The following TFDP2 variants were observed in gnomAD, a reference collection of about 807,000 sequenced individuals.
TFDP2 encodes transcription factor Dp-2 (E2F dimerization partner 2).
TFDP2 carries 17 observed loss-of-function variants against 59.3 expected under a neutral mutation model. The observed-to-expected ratio is 0.29, with a 90% CI of 0.20 to 0.43. The LOEUF (loss-of-function observed/expected upper bound fraction) is 0.43, where lower values mean the gene tolerates loss of function less well. Ranked by LOEUF, TFDP2 falls within the 20% of genes least tolerant of loss-of-function variation. The pLI is 1.00. For synonymous variants in TFDP2, 180 were observed against 194.7 expected (o/e 0.92, Z 0.63); for missense variants, 391 against 528.8 (o/e 0.74, Z 2.56).
At position 142,101,719 on chromosome 3, in the gene TFDP2, A is replaced by T; in HGVS notation, c.15+16T>A. The T allele has an allele frequency of 7.4e-7, 1 of 1,353,284 alleles. No individual in the cohort carries two copies. The highest frequency in any genetic ancestry group is 2.5e-5 in the East Asian group (1 of 39,608). The allele number at this position is 1,353,284 out of a possible 1,614,324, so 83.8% of individuals were successfully genotyped here. On this transcript the variant is annotated intron_variant, in intron 2 of 12. Coordinates refer to ENST00000489671, the MANE Select transcript of TFDP2 (RefSeq NM_001178139.2). ...CTTTAAACAATACTTACATTAAAAA[A>T]TTTACAAATACTTACATTTTTTGCC...
intron 1 of TFDP2, among the ~76,000 whole-genome samples, chr3:142,102,631 C>T (rs898322858): frequency 6.6e-6 from 1 of 152,248 alleles, no homozygotes; most frequent in Admixed American, 6.5e-5. Context: ...TATCTCCCTA[C>T]AAAATACCTA....
At chr3:142,006,637 T>C (rs111610089) in intron 3 of TFDP2, among the ~76,000 whole-genome samples, 1 of 152,044 alleles carries the variant, frequency 6.6e-6, no homozygotes, top group African/African-American at 2.4e-5. Context: ...CCTGGCTAAC[T>C]TTTTTATTTT....
At chr3:142,093,314 A>G (rs1053290762) in intron 2 of TFDP2, among the ~76,000 whole-genome samples, 187 bp from the exon 3 acceptor site, 2 of 151,984 alleles carry the variant, frequency 1.3e-5, no homozygotes, top group African/African-American at 4.8e-5. Flanking sequence ...TAAAAGGGGA[A>G]GAATATTGCC....
intron 3 of TFDP2, among the ~76,000 whole-genome samples, chr3:142,074,648 T>C (rs2060379178): frequency 6.6e-6 from 1 of 151,796 alleles, no homozygotes. Flanking sequence ...GGCCAGGAGA[T>C]TGAGACCAGC....
chr3:142,059,167 T>C (rs1259129808), intron 3 of TFDP2, among the ~76,000 whole-genome samples: 1 of 152,242 alleles, frequency 6.6e-6, no homozygotes, highest in Admixed American at 6.5e-5. Context: ...GTCATAGATA[T>C]GCTTTGATCA....
intron 10 of TFDP2, 117 bp from the exon 11 acceptor site, chr3:141,959,957 T>C: frequency 1.0e-6 from 1 of 953,766 alleles, no homozygotes. Flanking sequence ...GTGCTAGAAA[T>C]TGCTACCATT....
chr3:142,102,534 T>A (rs2061345351), intron 1 of TFDP2, among the ~76,000 whole-genome samples: 1 of 152,160 alleles, frequency 6.6e-6, no homozygotes, highest in Admixed American at 6.6e-5. Flanking sequence ...GGAACCATCA[T>A]AACTAATAAG....
chr3:142,026,285 G>T (rs761119114), intron 3 of TFDP2, among the ~76,000 whole-genome samples: 2 of 151,932 alleles, frequency 1.3e-5, no homozygotes, highest in Non-Finnish European at 2.9e-5. Flanking sequence ...AACCTGGGAC[G>T]CAGAGCTTGC....
intron 8 of TFDP2, among the ~76,000 whole-genome samples, chr3:141,971,049 C>T (rs1026910300): frequency 1.3e-5 from 2 of 150,840 alleles, no homozygotes; most frequent in South Asian, 2.1e-4. Flanking sequence ...CAAAGCAAGA[C>T]CCTGTCTCAA....
chr3:142,000,984 T>C (rs1223132245), intron 4 of TFDP2, among the ~76,000 whole-genome samples: 1 of 152,166 alleles, frequency 6.6e-6, no homozygotes, highest in Non-Finnish European at 1.5e-5. Flanking sequence ...GGGTTAGAGT[T>C]TGAGTCTTCT....
At chr3:142,007,810 T>C (rs1311254681) in intron 3 of TFDP2, among the ~76,000 whole-genome samples, 2 of 152,116 alleles carry the variant, frequency 1.3e-5, no homozygotes, top group African/African-American at 4.8e-5. Flanking sequence ...CCTATGATAA[T>C]CTAATGCCGC....
At chr3:141,992,091 A>G (rs888349981) in intron 6 of TFDP2, among the ~76,000 whole-genome samples, 3 of 149,870 alleles carry the variant, frequency 2.0e-5, no homozygotes, top group African/African-American at 7.3e-5. Flanking sequence ...GGAAGGAAGG[A>G]AGGAAAGAAA....
Position 141,980,267 on chromosome 3 carries a change from A to G in TFDP2, c.357-1585T>C, listed in dbSNP as rs368639659. 6.8e-4 allele frequency among the ~76,000 whole-genome samples: 103 copies of G among 151,968 alleles called. 1 individual carries two copies. In the South Asian group the frequency reaches 0.021, roughly 31 times the overall value. On this transcript the variant is annotated intron_variant, in intron 6 of 12. Coordinates refer to ENST00000489671, the MANE Select transcript of TFDP2 (RefSeq NM_001178139.2). ...AAAAAAAAAAAAAAATTAGAAATTA[A>G]AAAACAAACAGAAAAAAGCTTATGG...
At chr3:141,967,429 A>C (rs928666962) in intron 9 of TFDP2, among the ~76,000 whole-genome samples, 1 of 150,582 alleles carries the variant, frequency 6.6e-6, no homozygotes, top group Admixed American at 6.6e-5. Context: ...AGTAGCTGAG[A>C]TTACAGGCAT....
intron 3 of TFDP2, among the ~76,000 whole-genome samples, chr3:142,047,619 T>C (rs886097063): frequency 2.0e-5 from 3 of 152,186 alleles, no homozygotes; most frequent in African/African-American, 7.2e-5. Flanking sequence ...AACTCTCCAC[T>C]TATATTAGTT....
At chr3:142,074,722 G>A (rs148249083) in intron 3 of TFDP2, among the ~76,000 whole-genome samples, 1,754 of 151,932 alleles carry the variant, frequency 0.012, 36 homozygotes, top group African/African-American at 0.04. Flanking sequence ...CATGGTGGCG[G>A]GTGCCTGCAA....
intron 4 of TFDP2, among the ~76,000 whole-genome samples, chr3:141,997,252 A>G (rs931759097): frequency 1.3e-5 from 2 of 152,220 alleles, no homozygotes; most frequent in Non-Finnish European, 1.5e-5. Context: ...TAGGGGAAAA[A>G]GTAACTTCAT....
At chr3:142,061,481 A>G (rs2059912502) in intron 3 of TFDP2, among the ~76,000 whole-genome samples, 1 of 152,174 alleles carries the variant, frequency 6.6e-6, no homozygotes, top group South Asian at 2.1e-4. Context: ...AGAGACTAGC[A>G]TTTGAATCAG....
intron 10 of TFDP2, among the ~76,000 whole-genome samples, chr3:141,963,080 G>T (rs549686553): frequency 6.6e-6 from 1 of 152,076 alleles, no homozygotes; most frequent in Non-Finnish European, 1.5e-5. Flanking sequence ...GCAGCGAAGT[G>T]GGGGAGCCAT....
Sources: gnomAD v4.1 joint callset for allele counts (sites outside exome capture counted in the v4.1 genomes callset) on GRCh38, gnomAD v4.1.1 for gene constraint, MANE v1.5 for transcripts, NCBI Gene and HGNC (gene_info 2026-07-23, HGNC 2026-07-21) for gene names.